SAMM50: variants seen among roughly 807,000 people sequenced by gnomAD.
The protein encoded by SAMM50 is SAMM50 sorting and assembly machinery component.
In SAMM50, 47 loss-of-function variants were observed where a neutral mutation model predicts 66.9. That is an observed-to-expected ratio of 0.70 (90% CI 0.56 to 0.90). The LOEUF (loss-of-function observed/expected upper bound fraction) is 0.90, where lower values mean the gene tolerates loss of function less well. SAMM50 is among the 40% of genes least tolerant of loss of function. The pLI is 0.00. For missense variants in SAMM50, 535 were observed against 595.3 expected (o/e 0.90, Z 1.05); for synonymous variants, 191 against 214.1 (o/e 0.89, Z 0.94).
chr22:43,996,339 A>C lies in SAMM50; in HGVS notation c.1366A>C (p.Ile456Leu). The C allele has an allele frequency of 6.2e-7, 1 of 1,613,982 alleles. No homozygotes were observed. The highest frequency in any genetic ancestry group is 8.5e-7 in the Non-Finnish European group (1 of 1,179,958). The change falls in exon 15 of 15, where the codon ATA becomes CTA. Residue 456 changes from isoleucine (I) to leucine (L), a missense_variant and splice_region_variant. Transcript: ENST00000350028. Reference sequence around the variant, plus strand: ...ATCTGATCTCTCCCCTTTTTTTAGGATATGTGATGGCGTCCAGTTTGGAGC... The same window carrying C: ...ATCTGATCTCTCCCCTTTTTTTAGGCTATGTGATGGCGTCCAGTTTGGAGC... ...VPMGVQTGDR[I>L]CDGVQFGAGI...
At position 43,976,781 on chromosome 22, in the gene SAMM50, C is replaced by T. The variant is rs2050234841; in HGVS notation, c.809C>T (p.Ser270Phe). 1 of 1,612,812 alleles carries T rather than the reference C, an allele frequency of 6.2e-7. No individual in the cohort carries two copies. Among genetic ancestry groups the T allele is most frequent in the Non-Finnish European group, 8.5e-7 (1 of 1,179,288 alleles). Residue 270 changes from serine (S) to phenylalanine (F), a missense_variant, in exon 9 of 15, where the codon TCC (serine) becomes TTC (phenylalanine). Ser to Phe is a radical substitution (Grantham distance 155, BLOSUM62 -2). Coordinates refer to ENST00000350028, the MANE Select transcript of SAMM50 (RefSeq NM_015380.5). ...HAMVIDSRNS[S>F]ILPRRGALLK... ...ATGGTCATCGATTCTCGGAATTCTT[C>T]CATCTTACCAAGGAGAGGTGCTTTG...
At chr22:43,978,488 A>AGAG (rs2050245942) in intron 10 of SAMM50, among the ~76,000 whole-genome samples, 1 of 148,852 alleles carries the variant, frequency 6.7e-6, no homozygotes, top group Non-Finnish European at 1.5e-5. Flanking sequence ...TAGGACCATG[A>AGAG]GAGAGCCCCT....
chr22:43,957,269 G>A (rs947162587), intron 1 of SAMM50: 19 of 658,156 alleles, frequency 2.9e-5, no homozygotes, highest in East Asian at 2.1e-4. Context: ...GGCATGATTC[G>A]TGCCAAATTC....
rs763255508 is a variant in SAMM50 at position 43,972,976 on chromosome 22, C to G, written c.535C>G (p.Pro179Ala). ...TTCGTATGGCCTGTCCTTCTTCAAA[C>G]CACGGCCCGGAAACTTCGAAAGAAA... ...ETSYGLSFFK[P>A]RPGNFERNFS... The change falls in exon 6 of 15, where the codon CCA becomes GCA. Residue 179 changes from proline to alanine, a missense_variant. Coordinates refer to ENST00000350028, the MANE Select transcript of SAMM50 (RefSeq NM_015380.5). 5 of 1,593,974 alleles carry G rather than the reference C, an allele frequency of 3.1e-6. No homozygotes were observed. Among genetic ancestry groups the G allele is most frequent in the Admixed American group, 1.9e-5 (1 of 52,988 alleles).
chr22:43,958,476 C>CTTTTTTTTTTTTTTT (rs3083316), intron 1 of SAMM50, among the ~76,000 whole-genome samples: 1 of 112,586 alleles, frequency 8.9e-6, no homozygotes, highest in Non-Finnish European at 1.7e-5. Flanking sequence ...TTATGGAGCT[C>CTTTTTTTTTTTTTTT]TTTTTTTTTT....
rs773618986 is a variant in SAMM50 at position 43,972,972 on chromosome 22, C to G, written c.531C>G (p.Phe177Leu). The G allele has an allele frequency of 8.8e-6, 14 of 1,595,568 alleles. No individual in the cohort carries two copies. Among genetic ancestry groups the G allele is most frequent in the Non-Finnish European group, 1.2e-5 (14 of 1,175,972 alleles). ...TKETSYGLSF[F>L]KPRPGNFERN... ...AAACTTCGTATGGCCTGTCCTTCTT[C>G]AAACCACGGCCCGGAAACTTCGAAA... is the stretch of plus-strand genomic sequence containing the variant. The change falls in exon 6 of 15, where the codon TTC (phenylalanine) becomes TTG (leucine). Residue 177 changes from phenylalanine to leucine, a missense_variant. Physicochemically the swap from Phe to Leu is conservative, Grantham distance 22. Coordinates refer to ENST00000350028, the MANE Select transcript of SAMM50 (RefSeq NM_015380.5).
At chr22:43,955,714 A>T in intron 1 of SAMM50, 116 bp downstream of exon 1, 1 of 1,197,358 alleles carries the variant, frequency 8.4e-7, no homozygotes, top group Non-Finnish European at 1.2e-6. Context: ...GAGGGTGCCA[A>T]GGGTGCCGGG....
rs755045455 is a variant in SAMM50, at chr22:43,989,219, T to C, written c.1184T>C (p.Phe395Ser). 3.1e-6 allele frequency: 5 copies of C among 1,614,210 alleles called. No individual in the cohort carries two copies. The South Asian group carries it at 4.4e-5, about 14-fold the overall frequency. ...GGFGELFRTH[F>S]FLNAGNLCNL... is the part of the protein sequence containing the mutation. ...TTTGGAGAACTTTTCCGAACACACT[T>C]CTTTCTCAACGCAGGAAACCTCTGC... is the stretch of plus-strand genomic sequence containing the variant. The change falls in exon 13 of 15, where the codon TTC (phenylalanine) becomes TCC (serine). Residue 395 changes from phenylalanine (F) to serine (S), a missense_variant. By Grantham distance (155) the Phe-to-Ser change is radical (BLOSUM62 -2). Transcript: ENST00000350028.
At position 43,963,291 on chromosome 22, in the gene SAMM50, G is replaced by A. The variant is rs1603418661; in HGVS notation, c.27G>A (p.Leu9=). ...GGTCGCTCCCTCCCTTTCAGAGTTT[G>A]GAGCCTCTTCCATCAAGTGGACCTG... MGTVHARS[L]EPLPSSGPDF... is the part of the protein sequence containing the mutation. The change falls in exon 2 of 15, where the codon TTG becomes TTA. Residue 9 remains leucine (L), a synonymous_variant. Coordinates refer to ENST00000350028, the MANE Select transcript of SAMM50 (RefSeq NM_015380.5). The A allele has an allele frequency of 6.2e-7, 1 of 1,605,678 alleles. No homozygotes were observed. Among genetic ancestry groups the A allele is most frequent in the Non-Finnish European group, 8.5e-7 (1 of 1,175,392 alleles).
chr22:43,964,645 G>A (rs1039007641), intron 3 of SAMM50, 92 bp downstream of exon 3: 8 of 688,054 alleles, frequency 1.2e-5, no homozygotes, highest in South Asian at 4.0e-5. Flanking sequence ...CCCTGCGCCC[G>A]GCCTCTGTGC....
intron 4 of SAMM50, among the ~76,000 whole-genome samples, chr22:43,971,521 G>A (rs1279723577): frequency 6.6e-6 from 1 of 152,148 alleles, no homozygotes; most frequent in African/African-American, 2.4e-5. Context: ...GAGGGTTACT[G>A]ACACCCCTAT....
At chr22:43,993,390 GTTGAA>G (rs2050336270) in intron 14 of SAMM50, among the ~76,000 whole-genome samples, 1 of 152,252 alleles carries the variant, frequency 6.6e-6, no homozygotes, top group African/African-American at 2.4e-5. Flanking sequence ...TAGGAGCTCT[GTTGAA>G]TTGACCCTTT....
intron 3 of SAMM50, among the ~76,000 whole-genome samples, chr22:43,967,305 C>T (rs1353675179): frequency 6.6e-6 from 1 of 152,218 alleles, no homozygotes; most frequent in Admixed American, 6.5e-5. Context: ...ACAGCCGTCT[C>T]CAGCTCCATG....
intron 14 of SAMM50, among the ~76,000 whole-genome samples, chr22:43,992,456 C>T (rs1049669735): frequency 3.3e-5 from 5 of 152,218 alleles, no homozygotes; most frequent in Non-Finnish European, 5.9e-5. Flanking sequence ...CTCCCACAAC[C>T]GCCAGCTCCC....
intron 4 of SAMM50, among the ~76,000 whole-genome samples, chr22:43,971,599 A>G (rs1338119126): frequency 6.6e-6 from 1 of 152,232 alleles, no homozygotes; most frequent in Non-Finnish European, 1.5e-5. Flanking sequence ...GGACCTCTCT[A>G]ATAGGAGAAC....
In SAMM50 at chr22:43,957,057, T is replaced by G. The variant is rs1223345566; in HGVS notation, c.21+1459T>G. On this transcript the variant is annotated intron_variant, in intron 1 of 14. Transcript: ENST00000350028. The stretch of plus-strand genomic sequence containing the variant: ...TGGAAGGCTGTGGTCCAAGGCCATT[T>G]TTGCTGGCTATAAGTGGAGTCTCCG... 15 of 1,026,666 alleles carry G rather than the reference T, an allele frequency of 1.5e-5. No homozygotes were observed. The Admixed American group carries it at 2.6e-4, about 18-fold the overall frequency. 63.6% of individuals were successfully genotyped at this position (1,026,666 alleles called of 1,614,324 possible). A position where few individuals can be genotyped will look rare whatever the true frequency, so the allele number is the denominator to read the frequency against.
intron 12 of SAMM50, among the ~76,000 whole-genome samples, chr22:43,984,321 TA>T (rs1265722419): frequency 6.6e-6 from 1 of 152,178 alleles, no homozygotes; most frequent in African/African-American, 2.4e-5. Context: ...TACATATTAT[TA>T]TTTTTTTTGA....
intron 1 of SAMM50, among the ~76,000 whole-genome samples, chr22:43,957,571 C>T (rs537548310): frequency 6.6e-5 from 10 of 151,942 alleles, no homozygotes; most frequent in African/African-American, 2.4e-4. Flanking sequence ...TATAGGCGCA[C>T]GCCACCACAC....
At chr22:43,992,566 C>T (rs1283796353) in intron 14 of SAMM50, among the ~76,000 whole-genome samples, 3 of 152,222 alleles carry the variant, frequency 2.0e-5, no homozygotes, top group Non-Finnish European at 2.9e-5. Flanking sequence ...CCCAGCTACC[C>T]GGGCTTGGGG....
Sources: gnomAD v4.1 joint callset for allele counts (sites outside exome capture counted in the v4.1 genomes callset) on GRCh38, gnomAD v4.1.1 for gene constraint, MANE v1.5 for transcripts, NCBI Gene and HGNC (gene_info 2026-07-23, HGNC 2026-07-21) for gene names.